EPHB2: variants seen among roughly 807,000 people sequenced by gnomAD.
EPHB2 encodes the protein ephrin type-B receptor 2.
Under a neutral mutation model 96.4 loss-of-function variants are expected in EPHB2, and 18 were observed. That is an observed-to-expected ratio of 0.19 (90% CI 0.13 to 0.28). The LOEUF (loss-of-function observed/expected upper bound fraction) is 0.28, where lower values mean the gene tolerates loss of function less well. EPHB2 is among the 10% of genes least tolerant of loss of function. EPHB2 has a pLI of 1.00. For missense variants in EPHB2, 989 were observed against 1,355.4 expected (o/e 0.73, Z 4.25); for synonymous variants, 506 against 534.1 (o/e 0.95, Z 0.72).
chr1:22,863,174 C>T lies in EPHB2; in HGVS notation c.949C>T (p.Leu317=), dbSNP rs150415344. Residue 317 remains leucine (L), a synonymous_variant, in exon 4 of 16, where the codon CTG becomes TTG. Transcript: ENST00000374630. ...CTACTACAGAGCAGACCTGGACCCC[C>T]TGGACATGCCCTGCACAAGTAAGTC... ...NGYYRADLDP[L]DMPCTTIPSA... The T allele has an allele frequency of 1.2e-6, 2 of 1,614,184 alleles. No homozygotes were observed. Among genetic ancestry groups the T allele is most frequent in the South Asian group, 1.1e-5 (1 of 91,078 alleles).
rs763823836 is a variant in EPHB2 at position 22,865,171 on chromosome 1, C to G, written c.1262C>G (p.Ser421Trp). ...GGCGTTACTGACCAGAGCCCCTTCT[C>G]GCCTCAGTTCGCCTCTGTGAACATC... The part of the protein sequence containing the change: ...VNGVTDQSPF[S>W]PQFASVNITT... The change falls in exon 5 of 16, where the codon TCG becomes TGG. Residue 421 changes from serine to tryptophan, a missense_variant. By Grantham distance (177) the Ser-to-Trp change is radical (BLOSUM62 -3). Coordinates refer to ENST00000374630, the MANE Select transcript of EPHB2 (RefSeq NM_017449.5). 1.2e-6 allele frequency: 2 copies of G among 1,614,224 alleles called. No individual in the cohort carries two copies. The highest frequency in any genetic ancestry group is 1.7e-6 in the Non-Finnish European group (2 of 1,180,048).
chr1:22,731,755 G>A (rs1242313440), intron 1 of EPHB2, among the ~76,000 whole-genome samples: 1 of 152,144 alleles, frequency 6.6e-6, no homozygotes, highest in Non-Finnish European at 1.5e-5. Context: ...CAGGAGAATC[G>A]CTTGAACCCG....
chr1:22,807,718 A>C (rs1217231468), intron 3 of EPHB2, among the ~76,000 whole-genome samples: 1 of 152,218 alleles, frequency 6.6e-6, no homozygotes, highest in Non-Finnish European at 1.5e-5. Flanking sequence ...CGGACAGCAC[A>C]GAGGAGGGAG....
chr1:22,755,486 C>T (rs1446422768), intron 1 of EPHB2, among the ~76,000 whole-genome samples: 1 of 152,218 alleles, frequency 6.6e-6, no homozygotes, highest in Non-Finnish European at 1.5e-5. Context: ...TACCTGCCTC[C>T]TCCCTGCCCT....
chr1:22,730,220 CA>C (rs370596661), intron 1 of EPHB2, among the ~76,000 whole-genome samples: 30 of 152,368 alleles, frequency 2.0e-4, no homozygotes, highest in East Asian at 5.8e-4. Flanking sequence ...TACTCAGAGC[CA>C]GGGGCGGAGG....
At chr1:22,844,056 A>G (rs1236268046) in intron 3 of EPHB2, among the ~76,000 whole-genome samples, 1 of 152,144 alleles carries the variant, frequency 6.6e-6, no homozygotes, top group Non-Finnish European at 1.5e-5. Flanking sequence ...GTTCATGGAC[A>G]TTTAGGTTGA....
intron 1 of EPHB2, among the ~76,000 whole-genome samples, chr1:22,772,671 TCA>T (rs1644396612): frequency 6.6e-6 from 1 of 152,140 alleles, no homozygotes; most frequent in Admixed American, 6.6e-5. Flanking sequence ...CTCAGGAAAC[TCA>T]GTCAGGCTGG....
At chr1:22,859,294 T>TGGGCG (rs1491408362) in intron 3 of EPHB2, among the ~76,000 whole-genome samples, 4 of 11,160 alleles carry the variant, frequency 3.6e-4, no homozygotes, top group African/African-American at 1.6e-3. Context: ...GGGGTGGGCC[T>TGGGCG]GGTGGGGGGG....
intron 5 of EPHB2, among the ~76,000 whole-genome samples, chr1:22,879,209 C>CCACACA (rs3032081): frequency 6.6e-6 from 1 of 151,686 alleles, no homozygotes; most frequent in African/African-American, 2.4e-5. Flanking sequence ...CCCACCTCCA[C>CCACACA]CACACACACA....
intron 6 of EPHB2, among the ~76,000 whole-genome samples, chr1:22,891,804 G>A (rs1308547645): frequency 8.4e-6 from 1 of 118,772 alleles, no homozygotes; most frequent in Admixed American, 9.0e-5. Context: ...TGTTGTTGTT[G>A]TATTTTTTTA....
intron 1 of EPHB2, among the ~76,000 whole-genome samples, chr1:22,742,979 C>G (rs1643922840): frequency 6.6e-6 from 1 of 151,616 alleles, no homozygotes; most frequent in Non-Finnish European, 1.5e-5. Context: ...GCAGCCTCAA[C>G]TTCCTTGGCT....
Position 22,858,936 on chromosome 1 carries a change from A to G in EPHB2, c.812-4101A>G, listed in dbSNP as rs1645747408. The stretch of plus-strand genomic sequence containing the variant: ...TATACTGGGAGTTTACAGTCCAGCC[A>G]GGTAGACACATTCATAAGCAAGTAA... On this transcript the variant is annotated intron_variant, in intron 3 of 15. Coordinates refer to ENST00000374630, the MANE Select transcript of EPHB2 (RefSeq NM_017449.5). The surrounding 1 kb of genome is among the most constrained non-coding windows in gnomAD (Gnocchi z 7.7). 6.6e-6 allele frequency among the ~76,000 whole-genome samples: 1 copy of G among 152,200 alleles called. No homozygotes were observed. The highest frequency in any genetic ancestry group is 2.1e-4 in the South Asian group (1 of 4,830).
chr1:22,867,197 A>G (rs1400343344), intron 5 of EPHB2, among the ~76,000 whole-genome samples: 1 of 152,170 alleles, frequency 6.6e-6, no homozygotes, highest in Non-Finnish European at 1.5e-5. Context: ...CTGATTGCGC[A>G]TGTAAGTCTG....
Position 22,790,601 on chromosome 1 carries a change from C to A in EPHB2, c.811+5525C>A, listed in dbSNP as rs1644676565. On this transcript the variant is annotated intron_variant, in intron 3 of 15. Coordinates refer to ENST00000374630, the MANE Select transcript of EPHB2 (RefSeq NM_017449.5). The surrounding 1 kb of genome is among the most constrained non-coding windows in gnomAD (Gnocchi z 4.0). Reference sequence around the variant, plus strand: ...CAGATCCCTGTTCTCCTTGGTCTCTCCTTACCCACCTCAGTCCCACTTCTG... The same window carrying A: ...CAGATCCCTGTTCTCCTTGGTCTCTACTTACCCACCTCAGTCCCACTTCTG... Among the ~76,000 whole-genome samples the A allele has an allele frequency of 6.6e-6, 1 of 152,228 alleles. No homozygotes were observed. The highest frequency in any genetic ancestry group is 2.4e-5 in the African/African-American group (1 of 41,466).
Position 22,909,035 on chromosome 1 carries a change from C to T in EPHB2, c.2366C>T (p.Pro789Leu). 1 of 1,614,174 alleles carries T rather than the reference C, an allele frequency of 6.2e-7. No homozygotes were observed. Among genetic ancestry groups the T allele is most frequent in the Non-Finnish European group, 8.5e-7 (1 of 1,180,024 alleles). Residue 789 changes from proline (P) to leucine (L), a missense_variant, in exon 13 of 16, where the codon CCC becomes CTC. By Grantham distance (98) the Pro-to-Leu change is moderately conservative (BLOSUM62 -3). Coordinates refer to ENST00000374630, the MANE Select transcript of EPHB2 (RefSeq NM_017449.5). ...TCTGTCTCCCAGGGCGGAAAGATCC[C>T]CATCCGCTGGACAGCCCCGGAAGCC... Reference protein sequence around the residue: ...TYTSALGGKIPIRWTAPEAIQ... With the variant: ...TYTSALGGKILIRWTAPEAIQ...
intron 6 of EPHB2, among the ~76,000 whole-genome samples, chr1:22,891,958 C>G (rs1280785326): frequency 6.6e-6 from 1 of 150,936 alleles, no homozygotes; most frequent in Non-Finnish European, 1.5e-5. Context: ...CCATGCCCAG[C>G]TAATTTTTTT....
intron 12 of EPHB2, 129 bp from the exon 13 acceptor site, chr1:22,908,892 TG>T: frequency 7.1e-7 from 1 of 1,401,978 alleles, no homozygotes; most frequent in Non-Finnish European, 9.8e-7. Flanking sequence ...TGAAGCTGCA[TG>T]GTAAGTTTGG....
chr1:22,812,617 A>G (rs1180339792), intron 3 of EPHB2, among the ~76,000 whole-genome samples: 5 of 152,182 alleles, frequency 3.3e-5, no homozygotes. Flanking sequence ...ACGTGGCCCC[A>G]CAGCCAGAAG....
At position 22,858,125 on chromosome 1, in the gene EPHB2, G is replaced by C. The variant is rs958829373; in HGVS notation, c.812-4912G>C. Among the ~76,000 whole-genome samples the C allele has an allele frequency of 6.6e-6, 1 of 152,152 alleles. No homozygotes were observed. The highest frequency in any genetic ancestry group is 2.4e-5 in the African/African-American group (1 of 41,430). ...TGAAGGAGGAAAAGGAGCCAGCGAC[G>C]GGAAGAGCAGGGAAAGCCTTCCGGG... On this transcript the variant is annotated intron_variant, in intron 3 of 15. Coordinates refer to ENST00000374630, the MANE Select transcript of EPHB2 (RefSeq NM_017449.5). The surrounding 1 kb of genome is among the most constrained non-coding windows in gnomAD (Gnocchi z 7.7).
Sources: gnomAD v4.1 joint callset for allele counts (sites outside exome capture counted in the v4.1 genomes callset) on GRCh38, gnomAD v4.1.1 for gene constraint, Gnocchi (gnomAD v3.1) non-coding constraint, MANE v1.5 for transcripts, NCBI Gene and HGNC (gene_info 2026-07-23, HGNC 2026-07-21) for gene names.